Variants in HELQ observed in about 807,000 individuals in gnomAD.
The protein encoded by HELQ is helicase POLQ-like.
In HELQ, 77 loss-of-function variants were observed where a neutral mutation model predicts 111.6. The ratio of observed to expected loss-of-function variants is 0.69; its 90% CI spans 0.57 to 0.83. The LOEUF is 0.83. HELQ is among the 40% of genes least tolerant of loss of function. The probability of loss-of-function intolerance (pLI) is 0.00; values close to 1 mark genes in which losing one functional copy is unlikely to be tolerated. For missense variants in HELQ, 1,200 were observed against 1,288.5 expected (o/e 0.93, Z 1.05); for synonymous variants, 438 against 454.7 (o/e 0.96, Z 0.47).
intron 16 of HELQ, 24 bp downstream of exon 16, chr4:83,418,069 T>C (rs773531987): frequency 6.9e-6 from 9 of 1,297,980 alleles, no homozygotes; most frequent in Middle Eastern, 1.9e-4. Context: ...ATAATTTCAA[T>C]TGGGAAACCA....
intron 15 of HELQ, among the ~76,000 whole-genome samples, chr4:83,418,946 T>C (rs933297984): frequency 1.3e-5 from 2 of 152,204 alleles, no homozygotes; most frequent in African/African-American, 4.8e-5. Flanking sequence ...TTTTTTCTTA[T>C]TGTTTAAACC....
chr4:83,427,199 T>C (rs894658720), intron 13 of HELQ, among the ~76,000 whole-genome samples: 5 of 152,190 alleles, frequency 3.3e-5, no homozygotes, highest in African/African-American at 1.2e-4. Flanking sequence ...CCTTTACTTT[T>C]TTCAATAACA....
At chr4:83,449,735 C>T (rs566604134) in intron 2 of HELQ, among the ~76,000 whole-genome samples, 78 of 152,218 alleles carry the variant, frequency 5.1e-4, no homozygotes, top group African/African-American at 1.7e-3. Flanking sequence ...TCACAGCAGA[C>T]GGCAAATGGC....
chr4:83,415,495 C>T (rs115628994), intron 17 of HELQ, among the ~76,000 whole-genome samples: 2,711 of 152,248 alleles, frequency 0.018, 73 homozygotes, highest in African/African-American at 0.062. Flanking sequence ...ATGATGCAGG[C>T]TCCTTGTCAG....
In HELQ at chr4:83,417,408, G is replaced by C. The variant is rs553818334; in HGVS notation, c.3064-543C>G. Reference sequence around the variant, plus strand: ...AGTAAAGATGGGGTTTCACCATGTGGGCCAGGTTGGTTTTGAACTCCTGAC... The same window carrying C: ...AGTAAAGATGGGGTTTCACCATGTGCGCCAGGTTGGTTTTGAACTCCTGAC... On this transcript the variant is annotated intron_variant, in intron 16 of 17. Coordinates refer to ENST00000295488, the MANE Select transcript of HELQ (RefSeq NM_133636.5). 1.3e-3 allele frequency among the ~76,000 whole-genome samples: 195 copies of C among 152,032 alleles called. 5 individuals carry two copies. Among genetic ancestry groups the C allele is most frequent in the Admixed American group, 0.013 (193 of 15,258 alleles).
At chr4:83,431,077 T>C (rs1429303088) in intron 11 of HELQ, among the ~76,000 whole-genome samples, 1 of 152,074 alleles carries the variant, frequency 6.6e-6, no homozygotes, top group East Asian at 1.9e-4. Context: ...GTTCCAAAGT[T>C]AATTTCATCA....
chr4:83,440,039 G>T (rs1286331616), intron 7 of HELQ, 31 bp from the exon 8 acceptor site: 11 of 1,575,748 alleles, frequency 7.0e-6, no homozygotes, highest in Non-Finnish European at 9.5e-6. Context: ...GGAACAAAGT[G>T]GTTAGTAAAC....
chr4:83,447,679 C>T (rs986586143), intron 3 of HELQ, among the ~76,000 whole-genome samples: 10 of 151,208 alleles, frequency 6.6e-5, no homozygotes, highest in African/African-American at 2.2e-4. Flanking sequence ...GCCAACATGG[C>T]GAGACATCAT....
chr4:83,428,451 C>T (rs1327000164), intron 12 of HELQ, among the ~76,000 whole-genome samples: 1 of 152,106 alleles, frequency 6.6e-6, no homozygotes, highest in Non-Finnish European at 1.5e-5. Flanking sequence ...GTCCCAGCTA[C>T]TTGCGGGGCT....
intron 15 of HELQ, among the ~76,000 whole-genome samples, chr4:83,420,599 A>C (rs929605788): frequency 2.6e-5 from 4 of 152,194 alleles, no homozygotes; most frequent in Non-Finnish European, 4.4e-5. Flanking sequence ...AGCCTGGCCA[A>C]TATGGTGAAA....
At chr4:83,431,152 C>T (rs1191300327) in intron 11 of HELQ, among the ~76,000 whole-genome samples, 1 of 152,016 alleles carries the variant, frequency 6.6e-6, no homozygotes, top group Non-Finnish European at 1.5e-5. Context: ...CGCAGTGGCT[C>T]ATGCCTATAA....
intron 16 of HELQ, 121 bp from the exon 17 acceptor site, chr4:83,416,986 T>G: frequency 1.2e-6 from 1 of 849,482 alleles, no homozygotes; most frequent in Non-Finnish European, 1.8e-6. Context: ...AAAGTAAATA[T>G]GAAGAGACAA....
rs938239289 is a variant in HELQ at position 83,430,754 on chromosome 4, T to C, written c.2295+910A>G. Among the ~76,000 whole-genome samples, 3 of 152,346 alleles carry C rather than the reference T, an allele frequency of 2.0e-5. No homozygotes were observed. The East Asian group carries it at 5.8e-4, about 29-fold the overall frequency. ...ACTTTAATAAAAATCATTATTAATA[T>C]AGTATTCAATTAAGCTAAAATTATA... On this transcript the variant is annotated intron_variant, in intron 11 of 17. Transcript: ENST00000295488.
chr4:83,448,636 C>A, intron 3 of HELQ, 147 bp downstream of exon 3: 1 of 652,206 alleles, frequency 1.5e-6, no homozygotes, highest in Non-Finnish European at 2.5e-6. Flanking sequence ...TGCCACTGCA[C>A]TCCAACCTGG....
intron 9 of HELQ, among the ~76,000 whole-genome samples, chr4:83,435,935 A>C (rs141524365): frequency 6.6e-6 from 1 of 151,486 alleles, no homozygotes; most frequent in East Asian, 1.9e-4. Context: ...GAGAGACAGA[A>C]ATTGAAAATA....
chr4:83,430,016 A>T (rs1560546870), intron 11 of HELQ, among the ~76,000 whole-genome samples: 2 of 151,992 alleles, frequency 1.3e-5, no homozygotes, highest in African/African-American at 2.4e-5. Flanking sequence ...TCTTTAAATA[A>T]TTTTTCACAA....
At chr4:83,427,046 C>T (rs768024486) in intron 13 of HELQ, among the ~76,000 whole-genome samples, 10 of 152,180 alleles carry the variant, frequency 6.6e-5, no homozygotes, top group African/African-American at 9.6e-5. Flanking sequence ...TCTGACCGAG[C>T]TTTCATGTAA....
intron 3 of HELQ, among the ~76,000 whole-genome samples, chr4:83,447,993 T>C (rs1256009366): frequency 3.3e-5 from 5 of 151,790 alleles, no homozygotes. Context: ...GAGGATCACT[T>C]TAGGTCAGAA....
intron 17 of HELQ, among the ~76,000 whole-genome samples, chr4:83,416,392 A>C (rs1418230602): frequency 6.7e-6 from 1 of 149,946 alleles, no homozygotes; most frequent in Non-Finnish European, 1.5e-5. Flanking sequence ...GTTAGTTTTT[A>C]AATTTTTTTG....
Sources: gnomAD v4.1 joint callset for allele counts (sites outside exome capture counted in the v4.1 genomes callset) on GRCh38, gnomAD v4.1.1 for gene constraint, MANE v1.5 for transcripts, NCBI Gene and HGNC (gene_info 2026-07-23, HGNC 2026-07-21) for gene names.